The following RIT2 variants were observed in gnomAD, a reference collection of about 807,000 sequenced individuals.
RIT2 encodes the protein GTP-binding protein Rit2.
A neutral mutation model predicts 23.7 loss-of-function variants in RIT2; 24 were observed. That is an observed-to-expected ratio of 1.01 (90% CI 0.73 to 1.43). The LOEUF (loss-of-function observed/expected upper bound fraction) is 1.43. Ranked by LOEUF, RIT2 falls within the 40% of genes most tolerant of loss-of-function variation. The pLI is 0.00. For missense variants in RIT2, 236 were observed against 266.9 expected, an observed-to-expected ratio of 0.88 and a Z score of 0.81; for synonymous variants, 107 against 91.1, an observed-to-expected ratio of 1.17 and a Z score of -0.99.
intron 3 of RIT2, among the ~76,000 whole-genome samples, chr18:42,959,085 C>T (rs1910040780): frequency 6.6e-6 from 1 of 152,158 alleles, no homozygotes. Flanking sequence ...TTACATCTGT[C>T]TTTTGCACTA....
At chr18:42,787,206 A>G (rs1379343206) in intron 4 of RIT2, among the ~76,000 whole-genome samples, 1 of 133,068 alleles carries the variant, frequency 7.5e-6, no homozygotes, top group Non-Finnish European at 1.5e-5. Context: ...TTCAATTCCC[A>G]CCTATGAATG....
At chr18:43,037,820 A>G (rs561355004) in intron 1 of RIT2, among the ~76,000 whole-genome samples, 17 of 152,136 alleles carry the variant, frequency 1.1e-4, no homozygotes, top group Admixed American at 4.6e-4. Flanking sequence ...ACTTTTCTGA[A>G]CCATGTTAAC....
intron 1 of RIT2, among the ~76,000 whole-genome samples, chr18:43,047,682 A>G (rs1442293196): frequency 1.3e-5 from 2 of 152,160 alleles, no homozygotes; most frequent in African/African-American, 2.4e-5. Context: ...GTGAAGAAAA[A>G]GGAAGAAGTT....
At chr18:42,859,344 A>G (rs1367947441) in intron 4 of RIT2, among the ~76,000 whole-genome samples, 1 of 152,208 alleles carries the variant, frequency 6.6e-6, no homozygotes, top group Non-Finnish European at 1.5e-5. Context: ...CCATTTAAAA[A>G]AATCATCCTT....
rs547768515 is a variant in RIT2 at position 43,031,532 on chromosome 18, T to G, written c.160+2279A>C. Among the ~76,000 whole-genome samples, 3 of 152,192 alleles carry G rather than the reference T, an allele frequency of 2.0e-5. No homozygotes were observed. In the South Asian group the frequency reaches 6.2e-4, roughly 32 times the overall value. ...GCTTTTCCTTTCTATTATTATAAAT[T>G]CATTGGTTACTGATGTTGAGATTGT... is the stretch of plus-strand genomic sequence containing the variant. On this transcript the variant is annotated intron_variant, in intron 2 of 4. Coordinates refer to ENST00000326695, the MANE Select transcript of RIT2 (RefSeq NM_002930.4).
chr18:42,784,532 T>A (rs958204525), intron 4 of RIT2, among the ~76,000 whole-genome samples: 1 of 152,120 alleles, frequency 6.6e-6, no homozygotes, highest in African/African-American at 2.4e-5. Context: ...TGGTACTTGA[T>A]TGTAAATTCT....
At chr18:42,897,466 AC>A (rs1403306789) in intron 4 of RIT2, among the ~76,000 whole-genome samples, 3 of 152,200 alleles carry the variant, frequency 2.0e-5, no homozygotes, top group African/African-American at 7.2e-5. Context: ...GAAGAATAAA[AC>A]ATCTACATAG....
chr18:42,945,781 T>C (rs1219987846), intron 3 of RIT2, among the ~76,000 whole-genome samples: 1 of 152,090 alleles, frequency 6.6e-6, no homozygotes, highest in African/African-American at 2.4e-5. Context: ...TTACGAGATG[T>C]GCAAGCAACG....
At chr18:43,070,133 G>C (rs1436643162) in intron 1 of RIT2, among the ~76,000 whole-genome samples, 1 of 152,050 alleles carries the variant, frequency 6.6e-6, no homozygotes, top group African/African-American at 2.4e-5. Context: ...AAATAAGAGT[G>C]GGGGGACTTA....
intron 4 of RIT2, among the ~76,000 whole-genome samples, chr18:42,872,996 AG>A (rs1318305913): frequency 6.6e-6 from 1 of 152,124 alleles, no homozygotes; most frequent in East Asian, 1.9e-4. Context: ...AAAAATTTAC[AG>A]TATCTCATGA....
At chr18:43,035,759 A>G (rs1332642561) in intron 1 of RIT2, among the ~76,000 whole-genome samples, 1 of 152,084 alleles carries the variant, frequency 6.6e-6, no homozygotes, top group African/African-American at 2.4e-5. Flanking sequence ...TAATTTTTCC[A>G]TCCACTGACC....
At chr18:42,878,497 G>A (rs1907802505) in intron 4 of RIT2, among the ~76,000 whole-genome samples, 1 of 151,862 alleles carries the variant, frequency 6.6e-6, no homozygotes, top group South Asian at 2.1e-4. Flanking sequence ...AGGGGTGAAA[G>A]AGATAGAAGA....
intron 2 of RIT2, among the ~76,000 whole-genome samples, chr18:43,005,290 A>C (rs930299313): frequency 5.9e-5 from 9 of 151,982 alleles, no homozygotes; most frequent in Admixed American, 5.9e-4. Context: ...TTACAAAAAT[A>C]AACACTGGCT....
intron 3 of RIT2, among the ~76,000 whole-genome samples, chr18:42,969,490 A>G (rs1236224285): frequency 1.3e-5 from 2 of 152,154 alleles, no homozygotes; most frequent in African/African-American, 4.8e-5. Context: ...TATTCATTTC[A>G]CAGATGAGTA....
chr18:42,833,926 A>G, intron 4 of RIT2, among the ~76,000 whole-genome samples: 1 of 152,192 alleles, frequency 6.6e-6, no homozygotes, highest in Non-Finnish European at 1.5e-5. Context: ...GAAGAGGGGA[A>G]GGGAGAAGAA....
chr18:43,094,281 A>T (rs546856759), intron 1 of RIT2, among the ~76,000 whole-genome samples: 1 of 152,002 alleles, frequency 6.6e-6, no homozygotes, highest in East Asian at 1.9e-4. Context: ...GAAGATAGGT[A>T]TTTGCAAAAT....
intron 4 of RIT2, among the ~76,000 whole-genome samples, chr18:42,793,405 C>A (rs190079820): frequency 1.3e-5 from 2 of 152,286 alleles, no homozygotes; most frequent in African/African-American, 4.8e-5. Flanking sequence ...ATCTAAGAAC[C>A]TACACTATCA....
At chr18:43,043,617 C>T (rs1912179180) in intron 1 of RIT2, among the ~76,000 whole-genome samples, 1 of 151,926 alleles carries the variant, frequency 6.6e-6, no homozygotes, top group South Asian at 2.1e-4. Context: ...ATGGAGAAAC[C>T]CCGTCTCTAT....
chr18:43,033,061 A>G (rs1371947964), intron 2 of RIT2, among the ~76,000 whole-genome samples: 1 of 152,148 alleles, frequency 6.6e-6, no homozygotes, highest in Non-Finnish European at 1.5e-5. Flanking sequence ...TCTGGGAAAT[A>G]ATGCTTGATG....
Sources: allele counts gnomAD v4.1 joint callset (sites outside exome capture counted in the v4.1 genomes callset), GRCh38; gene constraint gnomAD v4.1.1; transcripts MANE v1.5; gene names NCBI Gene and HGNC (gene_info 2026-07-23, HGNC 2026-07-21).